Variants in TMPRSS15 observed in about 807,000 individuals in gnomAD.
TMPRSS15 encodes the protein enteropeptidase.
Under a neutral mutation model 125.3 loss-of-function variants are expected in TMPRSS15, and 128 were observed. The observed-to-expected ratio is 1.02, with a 90% CI of 0.89 to 1.18. The LOEUF (loss-of-function observed/expected upper bound fraction) is 1.18, where lower values mean the gene tolerates loss of function less well. Among genes scored for constraint, TMPRSS15 ranks in the 50% most tolerant of loss-of-function variants. TMPRSS15 has a pLI of 0.00. For missense variants in TMPRSS15, 1,283 were observed against 1,212.7 expected (o/e 1.06, Z -0.86); for synonymous variants, 446 against 423.2 (o/e 1.05, Z -0.66).
At chr21:18,454,575 G>A (rs138119413) in intron 1 of TMPRSS15, among the ~76,000 whole-genome samples, 78 of 152,166 alleles carry the variant, frequency 5.1e-4, no homozygotes, top group African/African-American at 1.7e-3. Context: ...AGGAGCCAAC[G>A]GTGTAACTCT....
chr21:18,480,281 G>A (rs1978958763), intron 1 of TMPRSS15, among the ~76,000 whole-genome samples: 1 of 151,926 alleles, frequency 6.6e-6, no homozygotes, highest in Non-Finnish European at 1.5e-5. Flanking sequence ...TCTCACCCTG[G>A]GAAAACTTTT....
chr21:18,369,805 G>T (rs1276933540), intron 6 of TMPRSS15, among the ~76,000 whole-genome samples: 2 of 152,006 alleles, frequency 1.3e-5, no homozygotes, highest in Non-Finnish European at 2.9e-5. Flanking sequence ...AAGTCATTAG[G>T]CTTGTGGGCT....
intron 22 of TMPRSS15, among the ~76,000 whole-genome samples, chr21:18,280,620 T>TCAACAAAAAA (rs1411521896): frequency 6.8e-6 from 1 of 147,224 alleles, no homozygotes; most frequent in Non-Finnish European, 1.5e-5. Flanking sequence ...AAAACCAAAC[T>TCAACAAAAAA]TCCTTCTATG....
At chr21:18,475,729 A>G (rs1467820924) in intron 1 of TMPRSS15, among the ~76,000 whole-genome samples, 3 of 152,174 alleles carry the variant, frequency 2.0e-5, no homozygotes, top group Non-Finnish European at 4.4e-5. Flanking sequence ...TTGGCTGAAA[A>G]CTGCCCTTTA....
rs1193507214 is a variant in TMPRSS15, at chr21:18,341,438, C to T, written c.1539G>A (p.Val513=). Residue 513 remains valine (V), a synonymous_variant, in exon 13 of 25, where the codon GTG becomes GTA. Transcript: ENST00000284885. Reference sequence around the variant, plus strand: ...TAGGAAGTTCTGGTGGAGGAGTTGGCACCAAAGTTGGTTCTGGATAAAGAC... The same window carrying T: ...TAGGAAGTTCTGGTGGAGGAGTTGGTACCAAAGTTGGTTCTGGATAAAGAC... ...NGSLYPEPTL[V]PTPPPELPTD... 14 of 1,614,016 alleles carry T rather than the reference C, an allele frequency of 8.7e-6. No individual in the cohort carries two copies. Among genetic ancestry groups the T allele is most frequent in the Middle Eastern group, 1.6e-4 (1 of 6,084 alleles).
At chr21:18,377,354 A>T (rs184781546) in intron 5 of TMPRSS15, among the ~76,000 whole-genome samples, 1 of 152,214 alleles carries the variant, frequency 6.6e-6, no homozygotes, top group Non-Finnish European at 1.5e-5. Flanking sequence ...TTTTAAAGAA[A>T]GTATCCAAAT....
chr21:18,368,262 T>C (rs1018949945), intron 6 of TMPRSS15, among the ~76,000 whole-genome samples: 14 of 152,200 alleles, frequency 9.2e-5, no homozygotes, highest in Admixed American at 1.3e-4. Context: ...GATTCATGAT[T>C]TCCAGAAAGC....
chr21:18,338,336 A>G (rs949722750), intron 13 of TMPRSS15, among the ~76,000 whole-genome samples: 20 of 152,154 alleles, frequency 1.3e-4, no homozygotes, highest in African/African-American at 4.8e-4. Context: ...ACTAGCAAAA[A>G]GAATTATCAA....
chr21:18,318,806 A>C (rs1265201930), intron 16 of TMPRSS15, among the ~76,000 whole-genome samples: 1 of 152,202 alleles, frequency 6.6e-6, no homozygotes, highest in Non-Finnish European at 1.5e-5. Flanking sequence ...CATTCTGTAA[A>C]CTGAATATAC....
intron 1 of TMPRSS15, among the ~76,000 whole-genome samples, chr21:18,427,945 A>C (rs1020244943): frequency 7.2e-5 from 11 of 152,238 alleles, no homozygotes; most frequent in African/African-American, 2.2e-4. Context: ...CATGTAAGGC[A>C]GTCACAGAAA....
At chr21:18,407,109 T>G (rs1182372290), upstream of TMPRSS15, among the ~76,000 whole-genome samples, 1 of 152,060 alleles carries the variant, frequency 6.6e-6, no homozygotes, top group Non-Finnish European at 1.5e-5. Context: ...TGGATAAGAG[T>G]GTACCCGGAA....
intron 1 of TMPRSS15, among the ~76,000 whole-genome samples, chr21:18,443,893 GGGAAGCACCTGCACA>G (rs1555912830): frequency 6.6e-6 from 1 of 152,140 alleles, no homozygotes; most frequent in Non-Finnish European, 1.5e-5. Flanking sequence ...CTGTTGTGGC[GGGAAGCACCTGCACA>G]GCAAAGCAGG....
In TMPRSS15 at chr21:18,353,013, C is replaced by T; in HGVS notation, c.1061G>A (p.Cys354Tyr). The T allele has an allele frequency of 1.2e-6, 2 of 1,611,158 alleles. No individual in the cohort carries two copies. Among genetic ancestry groups the T allele is most frequent in the East Asian group, 2.2e-5 (1 of 44,758 alleles). The change falls in exon 10 of 25, where the codon TGT (cysteine) becomes TAT (tyrosine). Residue 354 changes from cysteine (C) to tyrosine (Y), a missense_variant. Coordinates refer to ENST00000284885, the MANE Select transcript of TMPRSS15 (RefSeq NM_002772.3). ...ATCATTTAGATCCTGGACCCAGAAA[C>T]AAAAGCCATCCTCAAAGTTACAATT... ...KINCNFEDGFCFWVQDLNDDN... is the reference protein window; with the variant it reads ...KINCNFEDGFYFWVQDLNDDN...
At chr21:18,414,076 C>T (rs199728695) in intron 1 of TMPRSS15, among the ~76,000 whole-genome samples, 1 of 152,232 alleles carries the variant, frequency 6.6e-6, no homozygotes, top group South Asian at 2.1e-4. Flanking sequence ...TTAAGGAATG[C>T]ATAGAAACTT....
At chr21:18,284,954 T>C (rs1305581058) in intron 21 of TMPRSS15, among the ~76,000 whole-genome samples, 3 of 151,822 alleles carry the variant, frequency 2.0e-5, no homozygotes, top group Non-Finnish European at 4.4e-5. Flanking sequence ...GGAGCTGAAT[T>C]TGTGCCATTG....
At position 18,294,619 on chromosome 21, in the gene TMPRSS15, TA is replaced by T. The variant is rs748851550; in HGVS notation, c.2294del (p.Leu765TyrfsTer68). 9.9e-6 allele frequency: 16 copies of T among 1,611,408 alleles called. No homozygotes were observed. The South Asian group carries it at 1.8e-4, about 18-fold the overall frequency. ...TTTACTTACATTTATGGTTACACTG[TA>T]ACCGAATCAAGGAATCCTGTAAACA... ...QQCLQDSLIR[L>X]QCNHKSCGKK... On this transcript the variant is annotated frameshift_variant, in exon 20 of 25. Transcript: ENST00000284885. LOFTEE classifies it high-confidence loss of function.
chr21:18,371,039 A>G (rs912160706), intron 6 of TMPRSS15, among the ~76,000 whole-genome samples: 4 of 152,156 alleles, frequency 2.6e-5, no homozygotes, highest in African/African-American at 9.6e-5. Context: ...ATAAAACAAA[A>G]TATCAGTTAG....
At position 18,341,431 on chromosome 21, in the gene TMPRSS15, G is replaced by A; in HGVS notation, c.1546C>T (p.Pro516Ser). The A allele has an allele frequency of 6.2e-7, 1 of 1,614,130 alleles. No homozygotes were observed. The highest frequency in any genetic ancestry group is 1.1e-5 in the South Asian group (1 of 91,080). Residue 516 changes from proline (P) to serine (S), a missense_variant, in exon 13 of 25, where the codon CCT becomes TCT. Pro to Ser is a moderately conservative substitution (Grantham distance 74). Coordinates refer to ENST00000284885, the MANE Select transcript of TMPRSS15 (RefSeq NM_002772.3). ...LYPEPTLVPT[P>S]PPELPTDCGG... ...TACTTACTAGGAAGTTCTGGTGGAGGAGTTGGCACCAAAGTTGGTTCTGGA... is the reference window on the plus strand; with the variant it reads ...TACTTACTAGGAAGTTCTGGTGGAGAAGTTGGCACCAAAGTTGGTTCTGGA...
At chr21:18,420,436 A>G (rs1186438646) in intron 1 of TMPRSS15, among the ~76,000 whole-genome samples, 1 of 5,268 alleles carries the variant, frequency 1.9e-4, no homozygotes, top group African/African-American at 2.1e-4. Context: ...AAAGATCTTC[A>G]ATATTTGGAA....
Sources: gnomAD v4.1 joint callset for allele counts (sites outside exome capture counted in the v4.1 genomes callset) on GRCh38, gnomAD v4.1.1 for gene constraint, MANE v1.5 for transcripts, NCBI Gene and HGNC (gene_info 2026-07-23, HGNC 2026-07-21) for gene names.